The following TTC7A variants were observed in gnomAD, a reference collection of about 807,000 sequenced individuals.
The protein encoded by TTC7A is tetratricopeptide repeat domain 7A.
In TTC7A, 110 loss-of-function variants were observed where a neutral mutation model predicts 103.7. The observed-to-expected ratio is 1.06, with a 90% CI of 0.91 to 1.24. The LOEUF (loss-of-function observed/expected upper bound fraction) is 1.24. TTC7A is among the 50% of genes most tolerant of loss of function. TTC7A has a pLI of 0.00. For synonymous variants in TTC7A, 521 were observed against 467.9 expected (o/e 1.11, Z -1.47); for missense variants, 1,340 against 1,116.3 (o/e 1.20, Z -2.86).
At chr2:47,036,760 G>A (rs367857117) in intron 15 of TTC7A, among the ~76,000 whole-genome samples, 13 of 152,304 alleles carry the variant, frequency 8.5e-5, no homozygotes, top group African/African-American at 3.1e-4. Flanking sequence ...TGGGAGGCTG[G>A]GGTGAGAGGA....
rs1573120125 is a variant in TTC7A at position 47,074,364 on chromosome 2, A to G, written c.*441A>G. The G allele has an allele frequency of 1.2e-5, 2 of 162,968 alleles. No individual in the cohort carries two copies. Among genetic ancestry groups the G allele is most frequent in the East Asian group, 1.8e-4 (1 of 5,442 alleles). 10.1% of individuals were successfully genotyped at this position (162,968 alleles called of 1,614,324 possible). On this transcript the variant is annotated 3_prime_UTR_variant, in exon 20 of 20. Coordinates refer to ENST00000319190, the MANE Select transcript of TTC7A (RefSeq NM_020458.4). ...GAAACTGCGGGCAAGTGGGAAGACT[A>G]TGAGATTTCTGGGTTCCCTTCTCAG...
At chr2:47,010,889 G>T (rs1269110013) in intron 10 of TTC7A, among the ~76,000 whole-genome samples, 2 of 152,060 alleles carry the variant, frequency 1.3e-5, no homozygotes, top group Non-Finnish European at 2.9e-5. Context: ...TAGTAGAGAC[G>T]GGGTTTCACC....
upstream of TTC7A, among the ~76,000 whole-genome samples, chr2:46,939,147 A>G (rs376956701): frequency 4.6e-5 from 7 of 152,180 alleles, no homozygotes; most frequent in African/African-American, 1.7e-4. Context: ...ATAGTAAAAT[A>G]AAGTAAAAAT....
intron 19 of TTC7A, among the ~76,000 whole-genome samples, 198 bp downstream of exon 19, chr2:47,061,169 GAC>G (rs1004797514): frequency 6.6e-6 from 1 of 152,168 alleles, no homozygotes; most frequent in African/African-American, 2.4e-5. Context: ...TTCTCTTGTA[GAC>G]ACAGGCCATT....
At chr2:46,917,005 C>G (rs989021124) in intron 1 of TTC7A, among the ~76,000 whole-genome samples, 1 of 152,022 alleles carries the variant, frequency 6.6e-6, no homozygotes, top group Admixed American at 6.6e-5. Context: ...TCAAATGAGC[C>G]TGGGTCCGGA....
At chr2:46,949,724 T>C (rs895045306) in intron 1 of TTC7A, among the ~76,000 whole-genome samples, 1 of 152,152 alleles carries the variant, frequency 6.6e-6, no homozygotes, top group African/African-American at 2.4e-5. Flanking sequence ...TCCTGAGTCA[T>C]GTCAAATTAC....
intron 18 of TTC7A, among the ~76,000 whole-genome samples, chr2:47,054,918 C>T (rs902275026): frequency 8.6e-5 from 13 of 151,914 alleles, no homozygotes; most frequent in African/African-American, 3.1e-4. Context: ...CCGCCACGGC[C>T]AGGAAAGGAA....
chr2:47,010,289 A>G (rs536328787), intron 10 of TTC7A, among the ~76,000 whole-genome samples: 1 of 152,176 alleles, frequency 6.6e-6, no homozygotes. Context: ...ACAGCCATAT[A>G]CAGTATGTAA....
Position 47,067,484 on chromosome 2 carries a change from G to GA in TTC7A, c.2356-6217dup, listed in dbSNP as rs1684274829. On this transcript the variant is annotated intron_variant, in intron 19 of 19. Coordinates refer to ENST00000319190, the MANE Select transcript of TTC7A (RefSeq NM_020458.4). ...GCCAGCAGGGTGCTGAGAAGACAGG[G>GA]AGGGAGTGCCTGGCAGAGACAGGGA... Among the ~76,000 whole-genome samples the GA allele has an allele frequency of 2.6e-5, 4 of 152,242 alleles. No homozygotes were observed. The South Asian group carries it at 8.3e-4, about 31-fold the overall frequency.
chr2:46,919,468 G>T (rs1668987179), intron 2 of TTC7A, among the ~76,000 whole-genome samples: 1 of 152,220 alleles, frequency 6.6e-6, no homozygotes. Context: ...GGGCAGCAGA[G>T]GTTGAGGTGA....
intron 18 of TTC7A, among the ~76,000 whole-genome samples, chr2:47,055,671 G>A (rs1683253982): frequency 6.6e-6 from 1 of 152,156 alleles, no homozygotes; most frequent in Non-Finnish European, 1.5e-5. Context: ...GAGGTCCAAG[G>A]GCTCATGGGT....
intron 5 of TTC7A, among the ~76,000 whole-genome samples, chr2:46,985,383 G>C (rs962313297): frequency 6.6e-6 from 1 of 152,232 alleles, no homozygotes; most frequent in East Asian, 1.9e-4. Context: ...ACACGTGGCA[G>C]TTACTCAGCC....
At chr2:47,058,888 G>A (rs1425670843) in intron 18 of TTC7A, among the ~76,000 whole-genome samples, 1 of 152,080 alleles carries the variant, frequency 6.6e-6, no homozygotes, top group Admixed American at 6.5e-5. Flanking sequence ...TCCCCTGCCT[G>A]CTGGCCCAAA....
intron 2 of TTC7A, among the ~76,000 whole-genome samples, chr2:46,929,933 T>G (rs1669602863): frequency 6.6e-6 from 1 of 152,174 alleles, no homozygotes; most frequent in Non-Finnish European, 1.5e-5. Flanking sequence ...ATTGTCAATG[T>G]TTTAGACAGT....
In TTC7A at chr2:46,994,239, A is replaced by T. The variant is rs183470775; in HGVS notation, c.844-118A>T. The T allele has an allele frequency of 4.5e-5, 58 of 1,280,024 alleles. No individual in the cohort carries two copies. The Middle Eastern group carries it at 1.1e-3, about 25-fold the overall frequency. The allele number at this position is 1,280,024 out of a possible 1,614,324, so 79.3% of individuals were successfully genotyped here. ...GGGAGTGGGGTTGGGGAGTTTACCC[A>T]AAGGGCCGCACATTGCAAGCGGGGC... is the stretch of plus-strand genomic sequence containing the variant. On this transcript the variant is annotated intron_variant, in intron 6 of 19. Transcript: ENST00000319190.
At chr2:47,068,067 G>A (rs552072361) in intron 19 of TTC7A, 1 of 152,546 alleles carries the variant, frequency 6.6e-6, no homozygotes, top group Non-Finnish European at 1.5e-5. Flanking sequence ...TGAGCTGAGG[G>A]ACGAGGGAGA....
At chr2:47,068,582 A>C (rs1331196921) in intron 19 of TTC7A, 1 of 152,044 alleles carries the variant, frequency 6.6e-6, no homozygotes, top group Non-Finnish European at 1.5e-5. Flanking sequence ...AGGAGACGAA[A>C]GTAGAGGGTT....
At chr2:47,010,486 TGTG>T (rs1381783255) in intron 10 of TTC7A, among the ~76,000 whole-genome samples, 4 of 152,192 alleles carry the variant, frequency 2.6e-5, no homozygotes, top group Admixed American at 1.3e-4. Context: ...CGTGTCTGGC[TGTG>T]GCTGCCCCGC....
chr2:46,935,562 T>C (rs1377673411), intron 2 of TTC7A, among the ~76,000 whole-genome samples: 2 of 152,196 alleles, frequency 1.3e-5, no homozygotes, highest in Non-Finnish European at 2.9e-5. Context: ...ATCACAAAAA[T>C]TGTCTTGATG....
Sources: gnomAD v4.1 joint callset for allele counts (sites outside exome capture counted in the v4.1 genomes callset) on GRCh38, gnomAD v4.1.1 for gene constraint, MANE v1.5 for transcripts, NCBI Gene and HGNC (gene_info 2026-07-23, HGNC 2026-07-21) for gene names.